The following DCLK1 variants were observed in gnomAD, a reference collection of about 807,000 sequenced individuals.
The protein encoded by DCLK1 is serine/threonine-protein kinase DCLK1.
Under a neutral mutation model 86.2 loss-of-function variants are expected in DCLK1, and 16 were observed. That is an observed-to-expected ratio of 0.19 (90% CI 0.13 to 0.28). The LOEUF is 0.28. DCLK1 is among the 10% of genes least tolerant of loss of function. The pLI, the probability that DCLK1 is intolerant of heterozygous loss-of-function variation, is 1.00. For synonymous variants in DCLK1, 369 were observed against 370.5 expected (o/e 1.00, Z 0.05); for missense variants, 590 against 940.2 (o/e 0.63, Z 4.87).
chr13:35,966,736 C>G (rs1425930002), intron 3 of DCLK1, among the ~76,000 whole-genome samples: 1 of 152,106 alleles, frequency 6.6e-6, no homozygotes, highest in African/African-American at 2.4e-5. Context: ...CAGCTCCTGA[C>G]CGCGAGTGAT....
At chr13:36,064,216 A>T (rs990949954) in intron 3 of DCLK1, among the ~76,000 whole-genome samples, 1 of 152,240 alleles carries the variant, frequency 6.6e-6, no homozygotes, top group Non-Finnish European at 1.5e-5. Context: ...CTGAGAAGTC[A>T]CAAAGCTTTA....
At chr13:36,083,526 T>C (rs755364668) in intron 3 of DCLK1, among the ~76,000 whole-genome samples, 4 of 152,108 alleles carry the variant, frequency 2.6e-5, no homozygotes, top group Admixed American at 6.5e-5. Flanking sequence ...CATACAATCA[T>C]CAAAACATAG....
intron 4 of DCLK1, among the ~76,000 whole-genome samples, chr13:35,895,726 A>C (rs1873927077): frequency 7.0e-6 from 1 of 142,052 alleles, no homozygotes; most frequent in Admixed American, 7.4e-5. Flanking sequence ...TTTATAACTC[A>C]GTGTTCATAT....
At chr13:36,118,345 G>A (rs1242671399) in intron 2 of DCLK1, among the ~76,000 whole-genome samples, 1 of 152,150 alleles carries the variant, frequency 6.6e-6, no homozygotes, top group Non-Finnish European at 1.5e-5. Context: ...GATGTTACGA[G>A]GAGTACTTAG....
At chr13:35,847,846 A>G (rs1870325788) in intron 6 of DCLK1, 2 of 985,210 alleles carry the variant, frequency 2.0e-6, no homozygotes, top group Non-Finnish European at 2.4e-6. Context: ...AGAACCTGAC[A>G]CTTCTTAAAA....
At chr13:35,784,377 CAAAATAAAAG>C (rs2086583582) in intron 16 of DCLK1, among the ~76,000 whole-genome samples, 1 of 152,088 alleles carries the variant, frequency 6.6e-6, no homozygotes, top group African/African-American at 2.4e-5. Flanking sequence ...CCTCTGAAAA[CAAAATAAAAG>C]AAAATAAAAC....
At chr13:35,919,291 A>G (rs1024027539) in intron 4 of DCLK1, among the ~76,000 whole-genome samples, 29 of 152,116 alleles carry the variant, frequency 1.9e-4, no homozygotes, top group Admixed American at 7.9e-4. Flanking sequence ...TGGGAAGAAC[A>G]AATATCTATT....
At chr13:35,950,478 C>T (rs1345552227) in intron 3 of DCLK1, among the ~76,000 whole-genome samples, 1 of 152,182 alleles carries the variant, frequency 6.6e-6, no homozygotes, top group Non-Finnish European at 1.5e-5. Context: ...GTGTTTCGCA[C>T]AATAATCTGA....
intron 6 of DCLK1, among the ~76,000 whole-genome samples, chr13:35,840,630 T>G (rs1483940755): frequency 6.6e-6 from 1 of 152,222 alleles, no homozygotes; most frequent in Non-Finnish European, 1.5e-5. Flanking sequence ...CCCCCCTCAG[T>G]AAGCCTGGTG....
intron 3 of DCLK1, among the ~76,000 whole-genome samples, chr13:36,036,966 A>G (rs1379849388): frequency 6.6e-6 from 1 of 152,204 alleles, no homozygotes; most frequent in East Asian, 1.9e-4. Context: ...AATAGCCAAG[A>G]CATGGAATCA....
At chr13:36,034,431 T>G (rs1236563070) in intron 3 of DCLK1, among the ~76,000 whole-genome samples, 1 of 152,182 alleles carries the variant, frequency 6.6e-6, no homozygotes, top group Non-Finnish European at 1.5e-5. Flanking sequence ...CTCTTCAATT[T>G]CCCCAGCTCT....
At chr13:35,783,250 G>A (rs1003215054) in intron 16 of DCLK1, among the ~76,000 whole-genome samples, 3 of 152,188 alleles carry the variant, frequency 2.0e-5, no homozygotes, top group Non-Finnish European at 4.4e-5. Flanking sequence ...AGAGACATCA[G>A]TTTTCTCAGG....
chr13:35,892,701 A>T (rs989906964), intron 4 of DCLK1, among the ~76,000 whole-genome samples: 1 of 152,104 alleles, frequency 6.6e-6, no homozygotes, highest in Non-Finnish European at 1.5e-5. Context: ...CACGCCTTGC[A>T]CTCTCCCATG....
chr13:36,086,570 G>A (rs2138125208), intron 3 of DCLK1, among the ~76,000 whole-genome samples: 1 of 151,766 alleles, frequency 6.6e-6, no homozygotes, highest in Non-Finnish European at 1.5e-5. Flanking sequence ...CCGTCATCTA[G>A]GTTTTAAGCC....
chr13:35,888,831 A>G (rs1455852140), intron 4 of DCLK1, among the ~76,000 whole-genome samples: 1 of 152,246 alleles, frequency 6.6e-6, no homozygotes, highest in Non-Finnish European at 1.5e-5. Context: ...GTTGGTGGCT[A>G]GACTTATCAT....
intron 4 of DCLK1, among the ~76,000 whole-genome samples, chr13:35,879,405 T>C (rs1250524307): frequency 6.6e-6 from 1 of 152,238 alleles, no homozygotes; most frequent in Non-Finnish European, 1.5e-5. Context: ...TGGGATTTTC[T>C]GTATTAACAT....
intron 3 of DCLK1, among the ~76,000 whole-genome samples, chr13:36,060,778 C>T (rs970125845): frequency 6.6e-6 from 1 of 151,976 alleles, no homozygotes; most frequent in African/African-American, 2.4e-5. Flanking sequence ...GATAAGATAC[C>T]AATCAAAGAA....
chr13:35,920,773 C>T (rs1875753495), intron 4 of DCLK1, among the ~76,000 whole-genome samples: 1 of 152,102 alleles, frequency 6.6e-6, no homozygotes, highest in Non-Finnish European at 1.5e-5. Context: ...GGGGTCATCT[C>T]TAAGCAGCAT....
intron 5 of DCLK1, among the ~76,000 whole-genome samples, chr13:35,864,702 GAGTGC>G (rs957455637): frequency 6.1e-5 from 9 of 148,538 alleles, no homozygotes; most frequent in African/African-American, 2.2e-4. Flanking sequence ...ATCCAAGCTG[GAGTGC>G]AGTGGTGTGA....
Sources: gnomAD v4.1 joint callset for allele counts (sites outside exome capture counted in the v4.1 genomes callset) on GRCh38, gnomAD v4.1.1 for gene constraint, MANE v1.5 for transcripts, NCBI Gene and HGNC (gene_info 2026-07-23, HGNC 2026-07-21) for gene names.